CIRBP: variants seen among roughly 807,000 people sequenced by gnomAD.
The protein encoded by CIRBP is cold inducible RNA binding protein.
Under a neutral mutation model 22.3 loss-of-function variants are expected in CIRBP, and 11 were observed. That is an observed-to-expected ratio of 0.49 (90% CI 0.31 to 0.82). The LOEUF (loss-of-function observed/expected upper bound fraction) is 0.82, where lower values mean the gene tolerates loss of function less well. Ranked by LOEUF, CIRBP falls within the 40% of genes least tolerant of loss-of-function variation. The pLI, the probability that CIRBP is intolerant of heterozygous loss-of-function variation, is 0.05. For synonymous variants in CIRBP, 216 were observed against 158.8 expected, an observed-to-expected ratio of 1.36 and a Z score of -2.71; for missense variants, 456 against 402.7, an observed-to-expected ratio of 1.13 and a Z score of -1.13.
At chr19:1,271,688 C>T (rs1362196870) in intron 5 of CIRBP, 56 bp downstream of exon 5, 2 of 1,157,694 alleles carry the variant, frequency 1.7e-6, no homozygotes, top group South Asian at 2.8e-5. Flanking sequence ...CAGCTTCCGT[C>T]CCGGGTCCCA....
At chr19:1,270,575 C>T (rs1351897543) in intron 1 of CIRBP, among the ~76,000 whole-genome samples, 1 of 151,958 alleles carries the variant, frequency 6.6e-6, no homozygotes, top group Non-Finnish European at 1.5e-5. Context: ...TCAGACCAGC[C>T]TGGGCAACAG....
At position 1,270,312 on chromosome 19, in the gene CIRBP, T is replaced by TA. The variant is rs1369005341; in HGVS notation, c.-6-615dup. ...CAGCAACAAGTAGATGTCAGTTGGT[T>TA]AGGGTAGGAGTTGGCACCCGTTCGG... is the stretch of plus-strand genomic sequence containing the variant. On this transcript the variant is annotated intron_variant, in intron 1 of 5. Transcript: ENST00000587896. 2.5e-5 allele frequency: 9 copies of TA among 360,486 alleles called. No homozygotes were observed. In the East Asian group the frequency reaches 5.2e-4, roughly 21 times the overall value. The allele number at this position is 360,486 out of a possible 1,614,324, so 22.3% of individuals were successfully genotyped here.
chr19:1,271,909 C>A, intron 5 of CIRBP, 72 bp from the exon 6 acceptor site: 2 of 1,365,176 alleles, frequency 1.5e-6, no homozygotes, highest in Non-Finnish European at 1.0e-6. Context: ...TGGGGGCTGG[C>A]GGCTCAGCCT....
intron 3 of CIRBP, 23 bp downstream of exon 3, chr19:1,271,269 G>C: frequency 2.5e-6 from 4 of 1,614,028 alleles, no homozygotes; most frequent in Non-Finnish European, 2.5e-6. Context: ...GTGCTGAGCA[G>C]GAGTCCCGTC....
Position 1,272,391 on chromosome 19 carries a change from C to G in CIRBP, c.842C>G (p.Ser281Trp). The G allele has an allele frequency of 6.3e-7, 1 of 1,599,180 alleles. No homozygotes were observed. Among genetic ancestry groups the G allele is most frequent in the Non-Finnish European group, 8.5e-7 (1 of 1,173,356 alleles). ...ASGVKLPLVA[S>W]VPLHCACFLS... ...GGGGTGAAGCTGCCTCTTGTTGCTT[C>G]GGTGCCTTTACACTGTGCCTGCTTC... Residue 281 changes from serine (S) to tryptophan (W), a missense_variant, in exon 6 of 6, where the codon TCG becomes TGG. Ser to Trp is a radical substitution (Grantham distance 177). This residue lies in a region of CIRBP where 426 missense variants were observed against 339.6 expected (regional missense o/e 1.25). Transcript: ENST00000587896.
At position 1,274,614 on chromosome 19, in the gene CIRBP, C is replaced by T. The variant is rs1188988174; in HGVS notation, c.*2171C>T. The stretch of plus-strand genomic sequence containing the variant: ...AGCGCCGGGTCCCCCGCCTGGAGCC[C>T]GCGCCTGTTCTCCCTCCCTTCCTCC... On this transcript the variant is annotated 3_prime_UTR_variant, in exon 6 of 6. Transcript: ENST00000587896. The T allele has an allele frequency of 7.1e-6, 2 of 282,392 alleles. No individual in the cohort carries two copies. The highest frequency in any genetic ancestry group is 1.3e-5 in the Non-Finnish European group (2 of 152,382). The allele number at this position is 282,392 out of a possible 1,614,324, so 17.5% of individuals were successfully genotyped here. A position where few individuals can be genotyped will look rare whatever the true frequency, so the allele number is the denominator to read the frequency against.
chr19:1,272,567 T>C lies in CIRBP; in HGVS notation c.*124T>C. ...ATTCCCACTTTCGTAGTCATTTCGG[T>C]TCTGATCTTGTCAAACCCAGCCTGA... On this transcript the variant is annotated 3_prime_UTR_variant, in exon 6 of 6. Transcript: ENST00000587896. 1 of 916,044 alleles carries C rather than the reference T, an allele frequency of 1.1e-6. No individual in the cohort carries two copies. The highest frequency in any genetic ancestry group is 2.5e-4 in the Middle Eastern group (1 of 4,050). The allele number at this position is 916,044 out of a possible 1,614,324, so 56.7% of individuals were successfully genotyped here.
At chr19:1,269,589 TC>T (rs1291547626) in intron 1 of CIRBP, among the ~76,000 whole-genome samples, 179 bp downstream of exon 1, 2 of 150,672 alleles carry the variant, frequency 1.3e-5, no homozygotes, top group Non-Finnish European at 3.0e-5. Flanking sequence ...AGAGGGCCTC[TC>T]CCCGCCGGTC....
intron 1 of CIRBP, chr19:1,270,061 G>C (rs747366683): frequency 2.9e-5 from 15 of 519,728 alleles, no homozygotes; most frequent in Non-Finnish European, 5.4e-5. Context: ...TGTCAGCACT[G>C]ACCGCCCCCT....
chr19:1,271,321 G>C lies in CIRBP; in HGVS notation c.211-8G>C. The C allele has an allele frequency of 6.2e-7, 1 of 1,614,080 alleles. No homozygotes were observed. On this transcript the variant is annotated splice_polypyrimidine_tract_variant and splice_region_variant and intron_variant, in intron 3 of 5. Coordinates refer to ENST00000587896, the MANE Select transcript of CIRBP (RefSeq NM_001300829.2). ...CACCTGCTAACCCGTCCCGCCCTCT[G>C]TCTCCAGTCTGTAGATGGACGGCAG... is the stretch of plus-strand genomic sequence containing the variant.
rs1050786789 is a variant in CIRBP at position 1,274,361 on chromosome 19, C to T, written c.*1918C>T. 2.5e-6 allele frequency: 1 copy of T among 401,200 alleles called. No homozygotes were observed. The highest frequency in any genetic ancestry group is 4.4e-6 in the Non-Finnish European group (1 of 226,336). The allele number at this position is 401,200 out of a possible 1,614,324, so 24.9% of individuals were successfully genotyped here. ...AGGGTGGCCTGAGAGCAGCGATGAC[C>T]TCTGGGGTCACTGTCCCAGGAGGGA... On this transcript the variant is annotated 3_prime_UTR_variant, in exon 6 of 6. Transcript: ENST00000587896.
Position 1,274,200 on chromosome 19 carries a change from C to A in CIRBP, c.*1757C>A. The A allele has an allele frequency of 2.5e-6, 1 of 398,940 alleles. No homozygotes were observed. Among genetic ancestry groups the A allele is most frequent in the Non-Finnish European group, 4.4e-6 (1 of 225,638 alleles). The allele number at this position is 398,940 out of a possible 1,614,324, so 24.7% of individuals were successfully genotyped here. A position where few individuals can be genotyped will look rare whatever the true frequency, so the allele number is the denominator to read the frequency against. On this transcript the variant is annotated 3_prime_UTR_variant, in exon 6 of 6. Coordinates refer to ENST00000587896, the MANE Select transcript of CIRBP (RefSeq NM_001300829.2). Reference sequence around the variant, plus strand: ...GGAGCCTGAGGTCACAGCCCCCTGACTAGCCTGAGACCTTCCTAGGGGCTG... The same window carrying A: ...GGAGCCTGAGGTCACAGCCCCCTGAATAGCCTGAGACCTTCCTAGGGGCTG...
In CIRBP at chr19:1,272,479, T is replaced by C. The variant is rs1195442482; in HGVS notation, c.*36T>C. On this transcript the variant is annotated 3_prime_UTR_variant, in exon 6 of 6. Transcript: ENST00000587896. The stretch of plus-strand genomic sequence containing the variant: ...TGCTCAAGATCGTCCTTCCAATGGC[T>C]GTGTGTTTAAAGATTGTGGGAGCTT... The C allele has an allele frequency of 1.3e-6, 2 of 1,483,944 alleles. No homozygotes were observed. The highest frequency in any genetic ancestry group is 2.3e-5 in the Admixed American group (1 of 44,330). 91.9% of individuals were successfully genotyped at this position (1,483,944 alleles called of 1,614,324 possible).
chr19:1,272,285 A>G lies in CIRBP; in HGVS notation c.736A>G (p.Met246Val). Residue 246 changes from methionine (M) to valine (V), a missense_variant, in exon 6 of 6, where the codon ATG becomes GTG. Met to Val is a conservative substitution (Grantham distance 21). Coordinates refer to ENST00000587896, the MANE Select transcript of CIRBP (RefSeq NM_001300829.2). The stretch of plus-strand genomic sequence containing the variant: ...GCCCGCTGGGCAGTCAGCTAGGTGC[A>G]TGTGTGGCCGCAGGCCAGCCTCCCT... ...RGPAGQSARC[M>V]CGRRPASLGC... 6.2e-7 allele frequency: 1 copy of G among 1,613,036 alleles called. No individual in the cohort carries two copies. The highest frequency in any genetic ancestry group is 8.5e-7 in the Non-Finnish European group (1 of 1,179,710).
chr19:1,269,774 C>T (rs534087457), intron 1 of CIRBP: 7 of 472,436 alleles, frequency 1.5e-5, no homozygotes, highest in African/African-American at 1.4e-4. Context: ...TCCAGGGCCG[C>T]TTTCCCGGCC....
intron 1 of CIRBP, 130 bp from the exon 2 acceptor site, chr19:1,270,798 A>C (rs2081326551): frequency 2.3e-5 from 17 of 747,930 alleles, no homozygotes; most frequent in Non-Finnish European, 3.3e-5. Context: ...TGAGTTTGAG[A>C]TAATGAAAAA....
chr19:1,271,771 G>A lies in CIRBP; in HGVS notation c.431+139G>A, dbSNP rs188000363. The A allele has an allele frequency of 2.7e-4, 188 of 706,286 alleles. No homozygotes were observed. In the African/African-American group the frequency reaches 3.2e-3, roughly 12 times the overall value. 43.8% of individuals were successfully genotyped at this position (706,286 alleles called of 1,614,324 possible). A position where few individuals can be genotyped will look rare whatever the true frequency, so the allele number is the denominator to read the frequency against. On this transcript the variant is annotated intron_variant, in intron 5 of 5. Coordinates refer to ENST00000587896, the MANE Select transcript of CIRBP (RefSeq NM_001300829.2). ...CAGGTGGGGACCCAGGCCAAGAGGA[G>A]AGGAGACTGCTCAGGACATTCGCAG...
chr19:1,271,878 C>T (rs1001218200), intron 5 of CIRBP, 103 bp from the exon 6 acceptor site: 4 of 1,047,566 alleles, frequency 3.8e-6, no homozygotes, highest in Non-Finnish European at 5.8e-6. Context: ...CTTGTTGTGT[C>T]CCCAGAAGGG....
chr19:1,270,444 G>T (rs1028763446), intron 1 of CIRBP, among the ~76,000 whole-genome samples: 1 of 152,130 alleles, frequency 6.6e-6, no homozygotes, highest in African/African-American at 2.4e-5. Flanking sequence ...TTCAGTCTTG[G>T]GGGTGGATGG....
Sources: gnomAD v4.1 joint callset for allele counts (sites outside exome capture counted in the v4.1 genomes callset) on GRCh38, gnomAD v4.1.1 for gene constraint, gnomAD v4.1.1 regional missense constraint, MANE v1.5 for transcripts, NCBI Gene and HGNC (gene_info 2026-07-23, HGNC 2026-07-21) for gene names.